TPD52: variants seen among roughly 807,000 people sequenced by gnomAD.
TPD52 encodes prostate and colon associated protein.
Under a neutral mutation model 31.3 loss-of-function variants are expected in TPD52, and 17 were observed. That is an observed-to-expected ratio of 0.54 (90% CI 0.37 to 0.82). The LOEUF is 0.82. Among genes scored for constraint, TPD52 ranks in the 40% least tolerant of loss-of-function variants. The probability of loss-of-function intolerance (pLI) is 0.00; values close to 1 mark genes in which losing one functional copy is unlikely to be tolerated. For missense variants in TPD52, 212 were observed against 240.1 expected (o/e 0.88, Z 0.77); for synonymous variants, 83 against 89.6 (o/e 0.93, Z 0.42).
At chr8:80,078,784 C>T (rs1814888477) in intron 1 of TPD52, among the ~76,000 whole-genome samples, 1 of 152,188 alleles carries the variant, frequency 6.6e-6, no homozygotes, top group African/African-American at 2.4e-5. Context: ...TTCCTTCGAA[C>T]AGCTAACAGG....
intron 1 of TPD52, among the ~76,000 whole-genome samples, chr8:80,097,715 C>T (rs989915019): frequency 2.0e-5 from 3 of 152,166 alleles, no homozygotes; most frequent in African/African-American, 7.2e-5. Context: ...TATAAATTAC[C>T]CAGTCTCAGG....
At chr8:80,074,611 C>G (rs1814303987) in intron 1 of TPD52, among the ~76,000 whole-genome samples, 1 of 152,254 alleles carries the variant, frequency 6.6e-6, no homozygotes, top group Non-Finnish European at 1.5e-5. Flanking sequence ...AGCAGCCCCA[C>G]ACCCACACCC....
rs536979368 is a variant in TPD52, at chr8:80,059,060, C to T, written c.135+5418G>A. ...GAAACATTCTCCAGGACAGAGTATACGTTAGGCAACAAAACAAGTCTCAAT... is the reference window on the plus strand; with the variant it reads ...GAAACATTCTCCAGGACAGAGTATATGTTAGGCAACAAAACAAGTCTCAAT... On this transcript the variant is annotated intron_variant, in intron 2 of 7. Coordinates refer to ENST00000518937, the MANE Select transcript of TPD52 (RefSeq NM_001025253.3). Among the ~76,000 whole-genome samples, 4 of 152,230 alleles carry T rather than the reference C, an allele frequency of 2.6e-5. No individual in the cohort carries two copies. The South Asian group carries it at 6.2e-4, about 24-fold the overall frequency.
At chr8:80,100,093 T>C (rs1806626829) in intron 1 of TPD52, among the ~76,000 whole-genome samples, 1 of 152,210 alleles carries the variant, frequency 6.6e-6, no homozygotes, top group Admixed American at 6.5e-5. Context: ...AACACGCAAT[T>C]TTAAATTTAG....
In TPD52 at chr8:80,122,712, A is replaced by C. The variant is rs1331973493; in HGVS notation, c.19+48713T>G. 5.2e-5 allele frequency: 8 copies of C among 152,408 alleles called. No individual in the cohort carries two copies. The East Asian group carries it at 1.3e-3, about 26-fold the overall frequency. 9.4% of individuals were successfully genotyped at this position (152,408 alleles called of 1,614,324 possible). ...CCAAGAGTGTAATACAGTGCTTAAT[A>C]AACTTTTGCTGCTTGCTTTGCTACT... On this transcript the variant is annotated intron_variant, in intron 1 of 7. Transcript: ENST00000518937.
intron 3 of TPD52, 85 bp downstream of exon 3, chr8:80,053,197 T>C (rs1163783000): frequency 1.4e-6 from 2 of 1,447,658 alleles, no homozygotes; most frequent in East Asian, 4.8e-5. Flanking sequence ...AGCATCCTTA[T>C]CCTCTTTTTC....
At chr8:80,151,967 T>C (rs1810598947) in intron 1 of TPD52, among the ~76,000 whole-genome samples, 1 of 152,242 alleles carries the variant, frequency 6.6e-6, no homozygotes, top group Non-Finnish European at 1.5e-5. Context: ...TGCGCTTATG[T>C]TGATTTTTGT....
chr8:80,085,162 T>C (rs1815641481), intron 1 of TPD52, among the ~76,000 whole-genome samples: 2 of 152,028 alleles, frequency 1.3e-5, no homozygotes, highest in South Asian at 4.1e-4. Context: ...GAAAGAGAAA[T>C]CCATTCCATG....
intron 2 of TPD52, among the ~76,000 whole-genome samples, chr8:80,058,891 T>G (rs918906171): frequency 5.3e-5 from 8 of 152,146 alleles, no homozygotes. Flanking sequence ...TTATAAAACT[T>G]TGGGCGAAAA....
intron 1 of TPD52, among the ~76,000 whole-genome samples, chr8:80,170,582 T>C (rs958491866): frequency 6.6e-6 from 1 of 152,190 alleles, no homozygotes; most frequent in Non-Finnish European, 1.5e-5. Flanking sequence ...ATTCCTATCC[T>C]CACTTCCCAA....
intron 1 of TPD52, among the ~76,000 whole-genome samples, chr8:80,147,825 TAC>T (rs950674897): frequency 6.7e-6 from 1 of 150,086 alleles, no homozygotes; most frequent in Non-Finnish European, 1.5e-5. Flanking sequence ...CACACATACA[TAC>T]ACACACACAC....
chr8:80,058,574 G>A (rs1418120663), intron 2 of TPD52, among the ~76,000 whole-genome samples: 1 of 152,136 alleles, frequency 6.6e-6, no homozygotes, highest in African/African-American at 2.4e-5. Flanking sequence ...AAGGCAGGTG[G>A]ATCACCTGAG....
At chr8:80,059,555 A>C (rs1812278622) in intron 2 of TPD52, among the ~76,000 whole-genome samples, 1 of 151,996 alleles carries the variant, frequency 6.6e-6, no homozygotes, top group South Asian at 2.1e-4. Context: ...ATTAAGGGTT[A>C]AAAAAAAGAA....
intron 1 of TPD52, among the ~76,000 whole-genome samples, chr8:80,080,149 T>C (rs1319120588): frequency 6.6e-6 from 1 of 152,246 alleles, no homozygotes; most frequent in African/African-American, 2.4e-5. Flanking sequence ...AAATATTTAA[T>C]GAGCCATCTA....
At chr8:80,076,676 T>G (rs993480593) in intron 1 of TPD52, among the ~76,000 whole-genome samples, 1 of 150,882 alleles carries the variant, frequency 6.6e-6, no homozygotes. Flanking sequence ...TAAAAGGGTT[T>G]TTTGTTTGTT....
chr8:80,080,830 T>C lies in TPD52; in HGVS notation c.20-16237A>G, dbSNP rs185061016. 5.9e-5 allele frequency: 52 copies of C among 879,734 alleles called. No homozygotes were observed. The Admixed American group carries it at 3.0e-3, about 50-fold the overall frequency. The allele number at this position is 879,734 out of a possible 1,614,324, so 54.5% of individuals were successfully genotyped here. On this transcript the variant is annotated intron_variant, in intron 1 of 7. Transcript: ENST00000518937. ...AACAGTTCAGGCAAACATCAGACAC[T>C]GGCTGACTTACAACAAGAAACTACA...
intron 1 of TPD52, among the ~76,000 whole-genome samples, chr8:80,083,706 T>C (rs1316014688): frequency 6.6e-6 from 1 of 152,150 alleles, no homozygotes; most frequent in East Asian, 1.9e-4. Flanking sequence ...CAGTCTCAGG[T>C]ATTTCCCCAT....
chr8:80,090,814 T>A (rs1234698154), intron 1 of TPD52, among the ~76,000 whole-genome samples: 1 of 152,154 alleles, frequency 6.6e-6, no homozygotes, highest in African/African-American at 2.4e-5. Context: ...TACTCTTAAG[T>A]GATAAAATGG....
chr8:80,100,459 G>C (rs1313598343), intron 1 of TPD52, among the ~76,000 whole-genome samples: 2 of 152,190 alleles, frequency 1.3e-5, no homozygotes, highest in Admixed American at 1.3e-4. Flanking sequence ...ATTGTTTTCG[G>C]AACAGAAACT....
Sources: gnomAD v4.1 joint callset for allele counts (sites outside exome capture counted in the v4.1 genomes callset) on GRCh38, gnomAD v4.1.1 for gene constraint, MANE v1.5 for transcripts, NCBI Gene and HGNC (gene_info 2026-07-23, HGNC 2026-07-21) for gene names.